Variants in SOX6 observed in about 807,000 individuals in gnomAD.
SOX6 encodes the protein transcription factor SOX-6.
A neutral mutation model predicts 97.8 loss-of-function variants in SOX6; 11 were observed. The observed-to-expected ratio is 0.11, with a 90% CI of 0.07 to 0.19. SOX6 has a LOEUF of 0.19. Ranked by LOEUF, SOX6 falls within the 10% of genes least tolerant of loss-of-function variation. The pLI, the probability that SOX6 is intolerant of heterozygous loss-of-function variation, is 1.00. For synonymous variants in SOX6, 360 were observed against 371.4 expected, an observed-to-expected ratio of 0.97 and a Z score of 0.35; for missense variants, 810 against 1,039.5, an observed-to-expected ratio of 0.78 and a Z score of 3.04.
At chr11:16,354,453 C>A (rs1857025446) in intron 1 of SOX6, among the ~76,000 whole-genome samples, 1 of 151,862 alleles carries the variant, frequency 6.6e-6, no homozygotes, top group Admixed American at 6.6e-5. Context: ...ATGACAAGAA[C>A]CATGCCAAGA....
At chr11:16,433,123 T>C (rs1422868711) in intron 1 of SOX6, among the ~76,000 whole-genome samples, 1 of 152,068 alleles carries the variant, frequency 6.6e-6, no homozygotes, top group Non-Finnish European at 1.5e-5. Context: ...CCAAAAACTT[T>C]AGGTTCGCAG....
In SOX6 at chr11:16,399,462, G is replaced by A. The variant is rs554195991; in HGVS notation, c.-4-58210C>T. Among the ~76,000 whole-genome samples the A allele has an allele frequency of 2.0e-3, 302 of 151,340 alleles. 2 individuals are homozygous for A. The highest frequency in any genetic ancestry group is 0.014 in the Middle Eastern group (4 of 294). On this transcript the variant is annotated intron_variant, in intron 1 of 15. Transcript: ENST00000396356. ...TGCAACCTTGAACGCCTAAACTCAA[G>A]TGATCCTCTCACCTCAGCCTCCTGA...
intron 6 of SOX6, among the ~76,000 whole-genome samples, chr11:16,156,042 A>T (rs1850587645): frequency 1.3e-5 from 2 of 151,980 alleles, no homozygotes; most frequent in African/African-American, 2.4e-5. Flanking sequence ...CCAGTGATTT[A>T]GATTGATGTC....
intron 4 of SOX6, among the ~76,000 whole-genome samples, chr11:16,194,344 G>C (rs1190576681): frequency 6.6e-6 from 1 of 152,138 alleles, no homozygotes; most frequent in Non-Finnish European, 1.5e-5. Flanking sequence ...CAAAACAGCA[G>C]AATACTGGAA....
rs531805931 is a variant in SOX6 at position 16,482,757 on chromosome 11, T to A, written n.610-6369A>T. ...AACCATCATACTTGAGTATGTAGTG[T>A]AAGTGCCTTATACATACTTCACATT... On this transcript the variant is annotated intron_variant and non_coding_transcript_variant, in intron 4 of 5. Coordinates refer to the SOX6 transcript ENST00000524520. Among the ~76,000 whole-genome samples, 6 of 145,924 alleles carry A rather than the reference T, an allele frequency of 4.1e-5. No individual in the cohort carries two copies. The Middle Eastern group carries it at 0.015, about 358-fold the overall frequency.
chr11:16,499,584 G>T (rs11529585), intron 4 of SOX6, among the ~76,000 whole-genome samples: 33,481 of 152,076 alleles, frequency 0.22, 4,178 homozygotes, highest in East Asian at 0.51. Flanking sequence ...AAGAAGAAAA[G>T]AGAGAAGAAT....
chr11:16,186,041 A>C (rs913066118), intron 5 of SOX6, among the ~76,000 whole-genome samples: 6 of 152,170 alleles, frequency 3.9e-5, no homozygotes, highest in African/African-American at 1.4e-4. Flanking sequence ...TCATTGTTAG[A>C]TTAATGTACT....
intron 9 of SOX6, among the ~76,000 whole-genome samples, chr11:16,073,762 A>C (rs1029018116): frequency 3.3e-5 from 5 of 152,236 alleles, no homozygotes; most frequent in African/African-American, 1.2e-4. Flanking sequence ...CAGCATGATA[A>C]AAATAGAAAT....
In SOX6 at chr11:15,966,967, T is replaced by C. The variant is rs1590093151; in HGVS notation, c.*5842A>G. 6.6e-6 allele frequency: 1 copy of C among 152,296 alleles called. No individual in the cohort carries two copies. The highest frequency in any genetic ancestry group is 6.5e-5 in the Admixed American group (1 of 15,298). The allele number at this position is 152,296 out of a possible 1,614,324, so 9.4% of individuals were successfully genotyped here. Reference sequence around the variant, plus strand: ...TTAGCAAACTTTTTATTATTATTATTATCAAGAGGAGAGTGTGAGAAAGAT... The same window carrying C: ...TTAGCAAACTTTTTATTATTATTATCATCAAGAGGAGAGTGTGAGAAAGAT... On this transcript the variant is annotated 3_prime_UTR_variant, in exon 16 of 16. Transcript: ENST00000683767.
chr11:16,022,940 CCT>C (rs1290285879), intron 12 of SOX6, among the ~76,000 whole-genome samples: 4 of 152,114 alleles, frequency 2.6e-5, no homozygotes, highest in African/African-American at 9.7e-5. Flanking sequence ...GTTTATACTC[CCT>C]GTTACAATAA....
chr11:16,699,076 G>C (rs1848074219), intron 3 of SOX6, among the ~76,000 whole-genome samples: 1 of 152,182 alleles, frequency 6.6e-6, no homozygotes, highest in Non-Finnish European at 1.5e-5. Flanking sequence ...TATCTGCAAA[G>C]CACAAGAAAA....
chr11:16,259,957 G>A (rs1486239674), intron 3 of SOX6, among the ~76,000 whole-genome samples: 3 of 151,824 alleles, frequency 2.0e-5, no homozygotes, highest in Non-Finnish European at 4.4e-5. Flanking sequence ...GTGTGTGTGT[G>A]TGTGTGTGTG....
At chr11:16,143,714 A>T (rs1273631685) in intron 6 of SOX6, among the ~76,000 whole-genome samples, 3 of 152,208 alleles carry the variant, frequency 2.0e-5, no homozygotes, top group African/African-American at 7.2e-5. Flanking sequence ...AGTCTCTGAT[A>T]AAACAGACTT....
chr11:16,640,188 T>C (rs1178647711), intron 3 of SOX6, among the ~76,000 whole-genome samples: 2 of 152,204 alleles, frequency 1.3e-5, no homozygotes, highest in Non-Finnish European at 2.9e-5. Context: ...TTGTCTTTGG[T>C]TCTGTTTATA....
chr11:16,536,800 A>C (rs1301238010), intron 4 of SOX6, among the ~76,000 whole-genome samples: 2 of 152,232 alleles, frequency 1.3e-5, no homozygotes, highest in Non-Finnish European at 2.9e-5. Flanking sequence ...GCAGACAGAA[A>C]GCTCAAACTG....
chr11:16,286,192 C>A (rs908264748), intron 3 of SOX6, among the ~76,000 whole-genome samples: 6 of 152,034 alleles, frequency 3.9e-5, no homozygotes, highest in African/African-American at 1.4e-4. Flanking sequence ...CCAGGGTCCA[C>A]GGTGATATTC....
At chr11:16,092,115 C>A (rs941879494) in intron 9 of SOX6, among the ~76,000 whole-genome samples, 5 of 151,970 alleles carry the variant, frequency 3.3e-5, no homozygotes, top group African/African-American at 1.2e-4. Flanking sequence ...CATCTTCCTG[C>A]TGACAAACAA....
At chr11:16,611,199 C>T (rs1848393535) in intron 4 of SOX6, among the ~76,000 whole-genome samples, 1 of 152,228 alleles carries the variant, frequency 6.6e-6, no homozygotes, top group Non-Finnish European at 1.5e-5. Context: ...AGAGGTCCCC[C>T]TGAACTTGGG....
At chr11:16,076,507 T>C (rs1185048528) in intron 9 of SOX6, among the ~76,000 whole-genome samples, 1 of 151,774 alleles carries the variant, frequency 6.6e-6, no homozygotes, top group Non-Finnish European at 1.5e-5. Flanking sequence ...GTAACAAAAG[T>C]GCTTAACATC....
Sources: allele counts gnomAD v4.1 joint callset (sites outside exome capture counted in the v4.1 genomes callset), GRCh38; gene constraint gnomAD v4.1.1; transcripts MANE v1.5; gene names NCBI Gene and HGNC (gene_info 2026-07-23, HGNC 2026-07-21).